SNTN: variants seen among roughly 807,000 people sequenced by gnomAD.
SNTN encodes the protein sentan, cilia apical structure protein.
In SNTN, 13 loss-of-function variants were observed where a neutral mutation model predicts 12.3. The ratio of observed to expected loss-of-function variants is 1.05; its 90% CI spans 0.69 to 1.67. The LOEUF (loss-of-function observed/expected upper bound fraction) is 1.67, where lower values mean the gene tolerates loss of function less well. Among genes scored for constraint, SNTN ranks in the 40% most tolerant of loss-of-function variants. The probability of loss-of-function intolerance (pLI) is 0.00; values close to 1 mark genes in which losing one functional copy is unlikely to be tolerated. For synonymous variants in SNTN, 69 were observed against 58.5 expected (o/e 1.18, Z -0.82); for missense variants, 189 against 169.8 (o/e 1.11, Z -0.63).
Position 63,663,943 on chromosome 3 carries a change from G to T in SNTN, c.292G>T (p.Glu98Ter). The T allele has an allele frequency of 1.2e-6, 2 of 1,610,606 alleles. No individual in the cohort carries two copies. The highest frequency in any genetic ancestry group is 1.1e-5 in the South Asian group (1 of 89,772). The change falls in exon 4 of 4, where the codon GAA becomes TAA. Residue 98 changes from glutamate (E) to a stop codon, truncating the protein, a stop_gained. Transcript: ENST00000343837. LOFTEE classifies it high-confidence loss of function. ...TATTTCTCCATTCTCACAGGGACAAGAAACCAAGCCAAAATACAGAGAGAT... is the reference window on the plus strand; with the variant it reads ...TATTTCTCCATTCTCACAGGGACAATAAACCAAGCCAAAATACAGAGAGAT... ...TQFRNFAEGQETKPKYREILS... is the reference protein window; with the variant it reads ...TQFRNFAEGQ
rs1351384569 is a variant in SNTN at position 63,654,255 on chromosome 3, C to CA, written c.111-500dup. On this transcript the variant is annotated intron_variant, in intron 1 of 3. Transcript: ENST00000343837. ...AGTTAGGAAGGCTAAGCTGCTGGAA[C>CA]AAAAAAACTTCAAAGTCTGAGCATT... Among the ~76,000 whole-genome samples, 7 of 152,244 alleles carry CA rather than the reference C, an allele frequency of 4.6e-5. No homozygotes were observed. In the South Asian group the frequency reaches 1.2e-3, roughly 27 times the overall value.
Position 63,658,453 on chromosome 3 carries a change from CATACA to C in SNTN, c.146-1268_146-1264del, listed in dbSNP as rs558308629. On this transcript the variant is annotated intron_variant, in intron 2 of 3. Transcript: ENST00000343837. ...AAAATATATATAAGTGGACAAATAA[CATACA>C]ATAACAGAAAAAATAAATACATGTG... Among the ~76,000 whole-genome samples, 392 of 149,408 alleles carry C rather than the reference CATACA, an allele frequency of 2.6e-3. 1 individual carries two copies. The highest frequency in any genetic ancestry group is 3.3e-3 in the Non-Finnish European group (225 of 67,544).
chr3:63,658,806 C>T (rs13059350), intron 2 of SNTN, among the ~76,000 whole-genome samples: 25,842 of 152,018 alleles, frequency 0.17, 2,222 homozygotes, highest in South Asian at 0.2. Context: ...TTCTTTGAAA[C>T]TGTCATTGTT....
chr3:63,662,617 C>T (rs533815988), intron 3 of SNTN, among the ~76,000 whole-genome samples: 1 of 152,278 alleles, frequency 6.6e-6, no homozygotes, highest in African/African-American at 2.4e-5. Flanking sequence ...TGGAATCTGA[C>T]CCTTTCTAAA....
chr3:63,654,731 A>G (rs1160798008), intron 1 of SNTN, 31 bp from the exon 2 acceptor site: 1 of 1,609,630 alleles, frequency 6.2e-7, no homozygotes, highest in Non-Finnish European at 8.5e-7. Flanking sequence ...CAACTCCCAG[A>G]ATCATTCTGT....
chr3:63,656,136 C>T (rs1700677469), intron 2 of SNTN, among the ~76,000 whole-genome samples: 1 of 152,196 alleles, frequency 6.6e-6, no homozygotes, highest in Non-Finnish European at 1.5e-5. Context: ...GAGATTCTTT[C>T]ATTCTTCTGT....
intron 1 of SNTN, 143 bp downstream of exon 1, chr3:63,652,940 T>C: frequency 1.5e-6 from 1 of 675,134 alleles, no homozygotes; most frequent in Admixed American, 3.0e-5. Flanking sequence ...TTAAATTGAC[T>C]TGGAAAAACA....
chr3:63,660,657 CA>C (rs1461715489), intron 3 of SNTN, among the ~76,000 whole-genome samples: 1 of 152,046 alleles, frequency 6.6e-6, no homozygotes, highest in African/African-American at 2.4e-5. Flanking sequence ...TTCTGACTTA[CA>C]AAAGGAATGG....
At chr3:63,662,290 C>T (rs1039078) in intron 3 of SNTN, among the ~76,000 whole-genome samples, 25,683 of 152,118 alleles carry the variant, frequency 0.17, 2,225 homozygotes, top group African/African-American at 0.2. Context: ...CCCCATGTTG[C>T]GTCCCCTGAT....
chr3:63,654,883 G>T (rs1324474119), intron 2 of SNTN, 87 bp downstream of exon 2: 2 of 1,175,496 alleles, frequency 1.7e-6, no homozygotes, highest in East Asian at 2.4e-5. Flanking sequence ...GGACATCAAA[G>T]AATGCCAGAG....
At chr3:63,655,477 T>C (rs1173303288) in intron 2 of SNTN, among the ~76,000 whole-genome samples, 2 of 152,188 alleles carry the variant, frequency 1.3e-5, no homozygotes, top group Non-Finnish European at 2.9e-5. Context: ...AATCTCCATC[T>C]TCATGGAACT....
chr3:63,654,518 A>C (rs1330269267), intron 1 of SNTN, among the ~76,000 whole-genome samples: 3 of 152,194 alleles, frequency 2.0e-5, no homozygotes, highest in African/African-American at 4.8e-5. Flanking sequence ...GAACTTAGTC[A>C]CATAGCTGCA....
At position 63,662,655 on chromosome 3, in the gene SNTN, A is replaced by G. The variant is rs370862652; in HGVS notation, c.286-1282A>G. ...ACACTCAGCTCTCCTGGAGGGAGAG[A>G]GTAGAGAGCTCCCCTTGGCCCTCAT... is the stretch of plus-strand genomic sequence containing the variant. On this transcript the variant is annotated intron_variant, in intron 3 of 3. Coordinates refer to ENST00000343837, the MANE Select transcript of SNTN (RefSeq NM_001080537.2). Among the ~76,000 whole-genome samples, 153 of 152,230 alleles carry G rather than the reference A, an allele frequency of 1.0e-3. 1 individual carries two copies. Among genetic ancestry groups the G allele is most frequent in the African/African-American group, 3.4e-3 (140 of 41,548 alleles).
At chr3:63,661,443 C>T (rs1043981568) in intron 3 of SNTN, among the ~76,000 whole-genome samples, 2 of 152,122 alleles carry the variant, frequency 1.3e-5, no homozygotes, top group South Asian at 4.1e-4. Context: ...ATGTCACCCA[C>T]TGGGGGGAGC....
At chr3:63,656,211 A>G (rs1239219950) in intron 2 of SNTN, among the ~76,000 whole-genome samples, 1 of 152,208 alleles carries the variant, frequency 6.6e-6, no homozygotes, top group Non-Finnish European at 1.5e-5. Context: ...TAGGAGATTT[A>G]GTGTTCCACA....
chr3:63,653,968 G>C (rs1700648902), intron 1 of SNTN, among the ~76,000 whole-genome samples: 1 of 152,098 alleles, frequency 6.6e-6, no homozygotes, highest in Non-Finnish European at 1.5e-5. Flanking sequence ...TGCCACATCA[G>C]GCCTCAACAC....
Position 63,657,114 on chromosome 3 carries a change from C to G in SNTN, c.145+2318C>G, listed in dbSNP as rs1191476541. Among the ~76,000 whole-genome samples the G allele has an allele frequency of 2.0e-5, 3 of 152,178 alleles. No homozygotes were observed. In the East Asian group the frequency reaches 5.8e-4, roughly 29 times the overall value. On this transcript the variant is annotated intron_variant, in intron 2 of 3. Transcript: ENST00000343837. ...TGTTCTTTTGATGTTGCTCACTGCC[C>G]TACGCCCCAGAACTATCACAGGGCC...
At chr3:63,659,188 G>T (rs1264565740) in intron 2 of SNTN, among the ~76,000 whole-genome samples, 1 of 152,172 alleles carries the variant, frequency 6.6e-6, no homozygotes, top group Admixed American at 6.5e-5. Flanking sequence ...AGAGAAACCA[G>T]CTGGGAGATC....
In SNTN at chr3:63,652,676, G is replaced by C; in HGVS notation, c.-12G>C. 1 of 1,611,340 alleles carries C rather than the reference G, an allele frequency of 6.2e-7. No homozygotes were observed. Among genetic ancestry groups the C allele is most frequent in the South Asian group, 1.1e-5 (1 of 90,740 alleles). On this transcript the variant is annotated 5_prime_UTR_variant, in exon 1 of 4. Coordinates refer to ENST00000343837, the MANE Select transcript of SNTN (RefSeq NM_001080537.2). ...GCTTAGGAAGGACTGACACAAAACA[G>C]AAGATGAGAGAATGGGTGGCTGTAT... is the stretch of plus-strand genomic sequence containing the variant.
Sources: gnomAD v4.1 joint callset for allele counts (sites outside exome capture counted in the v4.1 genomes callset) on GRCh38, gnomAD v4.1.1 for gene constraint, MANE v1.5 for transcripts, NCBI Gene and HGNC (gene_info 2026-07-23, HGNC 2026-07-21) for gene names.